The following EPB41 variants were observed in gnomAD, a reference collection of about 807,000 sequenced individuals.
EPB41 encodes protein 4.1.
In EPB41, 65 loss-of-function variants were observed where a neutral mutation model predicts 108.0. That is an observed-to-expected ratio of 0.60 (90% CI 0.49 to 0.74). EPB41 has a LOEUF of 0.74. Among genes scored for constraint, EPB41 ranks in the 30% least tolerant of loss-of-function variants. The pLI, the probability that EPB41 is intolerant of heterozygous loss-of-function variation, is 0.00. For missense variants in EPB41, 875 were observed against 1,037.0 expected (o/e 0.84, Z 2.15); for synonymous variants, 336 against 358.9 (o/e 0.94, Z 0.72).
chr1:29,114,385 A>G (rs966052183), intron 19 of EPB41, among the ~76,000 whole-genome samples: 5 of 152,198 alleles, frequency 3.3e-5, no homozygotes, highest in South Asian at 2.1e-4. Context: ...GCTCACGCCT[A>G]TAATCCCAGT....
chr1:28,901,690 C>A (rs554082027), intron 1 of EPB41, among the ~76,000 whole-genome samples: 2 of 151,904 alleles, frequency 1.3e-5, no homozygotes, highest in Non-Finnish European at 2.9e-5. Context: ...CCCGCCACCA[C>A]GCCCATCTAA....
chr1:28,890,736 TG>T (rs1352174597), intron 1 of EPB41, among the ~76,000 whole-genome samples: 1 of 152,226 alleles, frequency 6.6e-6, no homozygotes, highest in East Asian at 1.9e-4. Flanking sequence ...ATATTATCTT[TG>T]TTTTGCAGGA....
intron 1 of EPB41, among the ~76,000 whole-genome samples, chr1:28,944,379 A>G (rs541091217): frequency 1.2e-4 from 19 of 152,236 alleles, no homozygotes; most frequent in African/African-American, 4.6e-4. Context: ...ATTGTTTGTA[A>G]CTCAAAAGAT....
At chr1:29,037,631 G>A (rs1322303429) in intron 10 of EPB41, among the ~76,000 whole-genome samples, 1 of 149,972 alleles carries the variant, frequency 6.7e-6, no homozygotes, top group Non-Finnish European at 1.5e-5. Context: ...TGCCCAGGCT[G>A]TAGTGCAGTG....
At chr1:29,026,328 C>T (rs1270897196) in intron 7 of EPB41, among the ~76,000 whole-genome samples, 2 of 152,056 alleles carry the variant, frequency 1.3e-5, no homozygotes, top group East Asian at 1.9e-4. Flanking sequence ...TAGGATATTG[C>T]GTTAAAACTG....
chr1:29,088,045 C>CTTTTTTTTTTTTTTTTT (rs750809586), intron 16 of EPB41, among the ~76,000 whole-genome samples: 7 of 131,568 alleles, frequency 5.3e-5, no homozygotes, highest in African/African-American at 1.1e-4. Context: ...TTCTTTTTTT[C>CTTTTTTTTTTTTTTTTT]TTTTTTTCTT....
intron 1 of EPB41, among the ~76,000 whole-genome samples, chr1:28,923,627 C>A (rs780554994): frequency 2.0e-5 from 3 of 152,080 alleles, no homozygotes; most frequent in Middle Eastern, 6.8e-3. Flanking sequence ...TTGACTTATC[C>A]TTGCTAGTTG....
intron 7 of EPB41, among the ~76,000 whole-genome samples, chr1:29,026,347 A>G (rs1022930646): frequency 1.3e-5 from 2 of 152,238 alleles, no homozygotes; most frequent in Non-Finnish European, 2.9e-5. Flanking sequence ...TGGAGGCTTC[A>G]ATGTGAACTT....
chr1:29,097,793 T>C lies in EPB41; in HGVS notation c.2185-14T>C, dbSNP rs918922523. ...CAGAAATACTCTAGTAACTCTTTCC[T>C]TACTGCTTCACAGCCTCCCCTGGTG... is the stretch of plus-strand genomic sequence containing the variant. On this transcript the variant is annotated splice_polypyrimidine_tract_variant and intron_variant, in intron 16 of 20. Coordinates refer to ENST00000343067, the MANE Select transcript of EPB41 (RefSeq NM_001376013.1). The C allele has an allele frequency of 3.1e-6, 5 of 1,613,866 alleles. No individual in the cohort carries two copies. The highest frequency in any genetic ancestry group is 4.2e-6 in the Non-Finnish European group (5 of 1,179,744).
intron 1 of EPB41, among the ~76,000 whole-genome samples, chr1:28,939,012 G>A (rs2094167507): frequency 6.6e-6 from 1 of 152,200 alleles, no homozygotes; most frequent in Admixed American, 6.5e-5. Flanking sequence ...AGAATAGCCA[G>A]TGCAATGTTG....
At chr1:28,941,302 A>C (rs1300617562) in intron 1 of EPB41, among the ~76,000 whole-genome samples, 1 of 151,976 alleles carries the variant, frequency 6.6e-6, no homozygotes, top group Non-Finnish European at 1.5e-5. Context: ...ATCGCCTGAG[A>C]CTGGTAGGTC....
At chr1:29,098,557 C>A (rs1277310188) in intron 17 of EPB41, among the ~76,000 whole-genome samples, 1 of 152,070 alleles carries the variant, frequency 6.6e-6, no homozygotes, top group East Asian at 1.9e-4. Context: ...AATTCATTTG[C>A]ATAAGGCAGT....
chr1:29,113,658 G>A (rs1669954659), intron 19 of EPB41, among the ~76,000 whole-genome samples: 1 of 152,144 alleles, frequency 6.6e-6, no homozygotes, highest in Non-Finnish European at 1.5e-5. Flanking sequence ...GACCTAATTG[G>A]TTATATGTCC....
rs1049261263 is a variant in EPB41, at chr1:28,993,658, T to TTTC, written c.681+118_681+119insCTT. ...CACTGTAGTGATTATTTCTTTTTTCTTTTTTTTTTTTTTTTTGAGACAGAG... is the reference window on the plus strand; with the variant it reads ...CACTGTAGTGATTATTTCTTTTTTCTTTCTTTTTTTTTTTTTTTTGAGACAGAG... On this transcript the variant is annotated intron_variant, in intron 3 of 20. Transcript: ENST00000343067. 1.7e-4 allele frequency: 31 copies of TTTC among 186,180 alleles called. No homozygotes were observed. The African/African-American group carries it at 2.2e-3, about 13-fold the overall frequency. The allele number at this position is 186,180 out of a possible 1,614,324, so 11.5% of individuals were successfully genotyped here.
At chr1:29,076,422 G>A (rs1248615647) in intron 16 of EPB41, among the ~76,000 whole-genome samples, 2 of 152,178 alleles carry the variant, frequency 1.3e-5, no homozygotes, top group African/African-American at 4.8e-5. Context: ...AGGTGGGATA[G>A]TTTTCTAGCT....
Position 28,914,597 on chromosome 1 carries a change from G to A in EPB41, c.-179G>A, listed in dbSNP as rs913956069. The A allele has an allele frequency of 2.6e-5, 4 of 151,966 alleles. No homozygotes were observed. Among genetic ancestry groups the A allele is most frequent in the African/African-American group, 9.7e-5 (4 of 41,376 alleles). The allele number at this position is 151,966 out of a possible 1,614,324, so 9.4% of individuals were successfully genotyped here. On this transcript the variant is annotated 5_prime_UTR_variant, in exon 1 of 21. Coordinates refer to ENST00000343067, the MANE Select transcript of EPB41 (RefSeq NM_001376013.1). The stretch of plus-strand genomic sequence containing the variant: ...GGGAAGGCGGGAGGGCGCGCGCCAG[G>A]GTCGCTCGCTCGCTCCCTCCCTCCG...
chr1:29,088,380 C>T (rs1212593212), intron 16 of EPB41, among the ~76,000 whole-genome samples: 1 of 152,144 alleles, frequency 6.6e-6, no homozygotes, highest in Non-Finnish European at 1.5e-5. Context: ...CCCATCAGTT[C>T]AGGTAAGCGA....
chr1:29,059,409 A>G (rs972586744), intron 14 of EPB41, among the ~76,000 whole-genome samples: 19 of 152,178 alleles, frequency 1.2e-4, no homozygotes, highest in South Asian at 4.1e-4. Context: ...TTAAAAATTT[A>G]TAAGAACTAT....
chr1:29,088,631 G>A (rs183844722), intron 16 of EPB41, among the ~76,000 whole-genome samples: 66 of 152,280 alleles, frequency 4.3e-4, no homozygotes, highest in African/African-American at 1.5e-3. Flanking sequence ...AATTCTGGGT[G>A]TCTTGTGTCA....
Sources: allele counts gnomAD v4.1 joint callset (sites outside exome capture counted in the v4.1 genomes callset), GRCh38; gene constraint gnomAD v4.1.1; transcripts MANE v1.5; gene names NCBI Gene and HGNC (gene_info 2026-07-23, HGNC 2026-07-21).